The following GAB1 variants were observed in gnomAD, a reference collection of about 807,000 sequenced individuals.
The protein encoded by GAB1 is GRB2 associated binding protein 1.
A neutral mutation model predicts 66.5 loss-of-function variants in GAB1; 19 were observed. The ratio of observed to expected loss-of-function variants is 0.29; its 90% CI spans 0.20 to 0.42. The LOEUF (loss-of-function observed/expected upper bound fraction) is 0.42, where lower values mean the gene tolerates loss of function less well. GAB1 is among the 10% of genes least tolerant of loss of function. The probability of loss-of-function intolerance (pLI) is 1.00; values close to 1 mark genes in which losing one functional copy is unlikely to be tolerated. For synonymous variants in GAB1, 294 were observed against 301.4 expected, an observed-to-expected ratio of 0.98 and a Z score of 0.25; for missense variants, 732 against 858.5, an observed-to-expected ratio of 0.85 and a Z score of 1.84.
In GAB1 at chr4:143,373,886, T is replaced by TATATATATATATATATATATATATA. The variant is rs1560726035; in HGVS notation, c.72+36626_72+36627insATATATATATATATATATATATATA. Among the ~76,000 whole-genome samples, 103 of 128,186 alleles carry TATATATATATATATATATATATATA rather than the reference T, an allele frequency of 8.0e-4. 9 individuals are homozygous for TATATATATATATATATATATATATA. Among genetic ancestry groups the TATATATATATATATATATATATATA allele is most frequent in the Non-Finnish European group, 1.2e-3 (75 of 62,966 alleles). The allele number at this position is 128,186 out of a possible 152,430, so 84.1% of individuals were successfully genotyped here. ...ATAAATAAATATATATATATATATATTTTTACCTTTCTAACATTGCAGGGA... is the reference window on the plus strand; with the variant it reads ...ATAAATAAATATATATATATATATATATATATATATATATATATATATATATTTTACCTTTCTAACATTGCAGGGA... On this transcript the variant is annotated intron_variant, in intron 1 of 9. Coordinates refer to ENST00000262994, the MANE Select transcript of GAB1 (RefSeq NM_002039.4).
chr4:143,382,191 T>C (rs1730685358), intron 1 of GAB1, among the ~76,000 whole-genome samples: 1 of 152,262 alleles, frequency 6.6e-6, no homozygotes, highest in Admixed American at 6.5e-5. Context: ...TTATGCACTT[T>C]CTTCATTGTT....
At chr4:143,424,887 G>A (rs1733243824) in intron 2 of GAB1, 1 of 486,218 alleles carries the variant, frequency 2.1e-6, no homozygotes, top group East Asian at 3.9e-5. Flanking sequence ...CCAGGGAGTT[G>A]GAGGTTGCAG....
chr4:143,390,162 G>C (rs1306519980), intron 1 of GAB1, among the ~76,000 whole-genome samples: 1 of 152,178 alleles, frequency 6.6e-6, no homozygotes, highest in Non-Finnish European at 1.5e-5. Flanking sequence ...TTTAGAAGTA[G>C]AGTAAAAAGT....
chr4:143,397,400 A>G (rs1731503677), intron 1 of GAB1, among the ~76,000 whole-genome samples: 1 of 152,220 alleles, frequency 6.6e-6, no homozygotes, highest in Non-Finnish European at 1.5e-5. Flanking sequence ...TCTTTTGAGT[A>G]GCCCATTTTG....
At position 143,415,688 on chromosome 4, in the gene GAB1, A is replaced by G. The variant is rs756862463; in HGVS notation, c.284A>G (p.Tyr95Cys). The G allele has an allele frequency of 1.2e-6, 2 of 1,613,934 alleles. No individual in the cohort carries two copies. The highest frequency in any genetic ancestry group is 2.7e-5 in the African/African-American group (2 of 74,944). Reference sequence around the variant, plus strand: ...ATCAACACTATTGACCGGATTTTCTACTTGGTAGCAGACAGCGAGGAGGAG... The same window carrying G: ...ATCAACACTATTGACCGGATTTTCTGCTTGGTAGCAGACAGCGAGGAGGAG... ...FDINTIDRIF[Y>C]LVADSEEEMN... is the part of the protein sequence containing the mutation. Residue 95 changes from tyrosine to cysteine, a missense_variant, in exon 2 of 10, where the codon TAC becomes TGC. Transcript: ENST00000262994.
intron 2 of GAB1, chr4:143,425,415 C>A: frequency 1.3e-6 from 1 of 759,238 alleles, no homozygotes; most frequent in Non-Finnish European, 2.4e-6. Context: ...CTTGTGGTTA[C>A]TGACCCCAGG....
intron 6 of GAB1, chr4:143,457,770 G>C: frequency 6.6e-7 from 1 of 1,523,918 alleles, no homozygotes; most frequent in Middle Eastern, 1.7e-4. Context: ...AGAAGAAAGG[G>C]TATGTACTTT....
In GAB1 at chr4:143,415,647, C is replaced by T; in HGVS notation, c.243C>T (p.Asn81=). The part of the protein sequence containing the change: ...GLTFNKKEFE[N]SYIFDINTID... ...CATTTAACAAAAAAGAGTTTGAAAA[C>T]AGCTACATTTTTGATATCAACACTA... The change falls in exon 2 of 10, where the codon AAC becomes AAT. Residue 81 remains asparagine (N), a synonymous_variant. Coordinates refer to ENST00000262994, the MANE Select transcript of GAB1 (RefSeq NM_002039.4). 6.2e-7 allele frequency: 1 copy of T among 1,613,998 alleles called. No individual in the cohort carries two copies. The highest frequency in any genetic ancestry group is 8.5e-7 in the Non-Finnish European group (1 of 1,179,910).
At chr4:143,436,733 TAAG>T (rs1188808333) in intron 3 of GAB1, among the ~76,000 whole-genome samples, 1 of 152,132 alleles carries the variant, frequency 6.6e-6, no homozygotes, top group Non-Finnish European at 1.5e-5. Context: ...GCAGTCAACT[TAAG>T]AAGTAAATGG....
Position 143,383,386 on chromosome 4 carries a change from A to G in GAB1, c.73-32091A>G, listed in dbSNP as rs577247506. Among the ~76,000 whole-genome samples, 3 of 152,336 alleles carry G rather than the reference A, an allele frequency of 2.0e-5. No homozygotes were observed. In the South Asian group the frequency reaches 6.2e-4, roughly 32 times the overall value. ...CATTCTTTGTCCTCTTATAGAACCCAATGAAAGGAGGAAGCTGTGCCTTAA... is the reference window on the plus strand; with the variant it reads ...CATTCTTTGTCCTCTTATAGAACCCGATGAAAGGAGGAAGCTGTGCCTTAA... On this transcript the variant is annotated intron_variant, in intron 1 of 9. Transcript: ENST00000262994.
chr4:143,409,393 C>A (rs575803886), intron 1 of GAB1, among the ~76,000 whole-genome samples: 9 of 149,836 alleles, frequency 6.0e-5, no homozygotes, highest in East Asian at 2.0e-4. Context: ...CTTTCCCCCC[C>A]CCCGCTCTGA....
intron 1 of GAB1, among the ~76,000 whole-genome samples, chr4:143,363,760 GTT>G (rs1159034180): frequency 8.5e-5 from 13 of 152,174 alleles, no homozygotes; most frequent in Admixed American, 3.3e-4. Context: ...TGAATTTTTA[GTT>G]TCTTGTTTTT....
chr4:143,470,493 G>A lies in GAB1; in HGVS notation c.*1304G>A, dbSNP rs983874411. On this transcript the variant is annotated 3_prime_UTR_variant, in exon 10 of 10. Transcript: ENST00000262994. Reference sequence around the variant, plus strand: ...ACCAGATTTCTGAAAACACCAGAGGGATGGTATAATTCTGTCTCACCTATA... The same window carrying A: ...ACCAGATTTCTGAAAACACCAGAGGAATGGTATAATTCTGTCTCACCTATA... 17 of 152,130 alleles carry A rather than the reference G, an allele frequency of 1.1e-4. No homozygotes were observed. Among genetic ancestry groups the A allele is most frequent in the African/African-American group, 3.4e-4 (14 of 41,430 alleles). 9.4% of individuals were successfully genotyped at this position (152,130 alleles called of 1,614,324 possible).
At chr4:143,451,899 T>TAA (rs11316624) in intron 6 of GAB1, among the ~76,000 whole-genome samples, 2 of 148,910 alleles carry the variant, frequency 1.3e-5, no homozygotes, top group Admixed American at 6.7e-5. Context: ...AGTGCTCATT[T>TAA]AAAAAAAAAA....
At chr4:143,363,108 G>T (rs570138654) in intron 1 of GAB1, among the ~76,000 whole-genome samples, 1 of 152,174 alleles carries the variant, frequency 6.6e-6, no homozygotes, top group Admixed American at 6.5e-5. Context: ...ATTCAAACCC[G>T]CATGTATCTG....
chr4:143,362,925 G>A (rs1350151226), intron 1 of GAB1, among the ~76,000 whole-genome samples: 1 of 152,100 alleles, frequency 6.6e-6, no homozygotes, highest in African/African-American at 2.4e-5. Context: ...CTGACACATA[G>A]GCATAATACT....
At chr4:143,362,795 C>T (rs548673224) in intron 1 of GAB1, among the ~76,000 whole-genome samples, 2 of 152,080 alleles carry the variant, frequency 1.3e-5, no homozygotes, top group Non-Finnish European at 2.9e-5. Flanking sequence ...TATCTTGTGC[C>T]CACCTCCTAT....
At position 143,469,052 on chromosome 4, in the gene GAB1, A is replaced by G. The variant is rs1412042729; in HGVS notation, c.1948A>G (p.Ser650Gly). The change falls in exon 10 of 10, where the codon AGC becomes GGC. Residue 650 changes from serine (S) to glycine (G), a missense_variant. Physicochemically the swap from Ser to Gly is moderately conservative, Grantham distance 56 (BLOSUM62 0). Coordinates refer to ENST00000262994, the MANE Select transcript of GAB1 (RefSeq NM_002039.4). ...PRKQKSSGSGSSVADERVDYV... is the reference protein window; with the variant it reads ...PRKQKSSGSGGSVADERVDYV... The stretch of plus-strand genomic sequence containing the variant: ...TTAGCAAAAGAGCAGTGGCTCAGGC[A>G]GCAGTGTAGCAGATGAGAGAGTGGA... 6.2e-7 allele frequency: 1 copy of G among 1,614,114 alleles called. No homozygotes were observed. Among genetic ancestry groups the G allele is most frequent in the East Asian group, 2.2e-5 (1 of 44,892 alleles).
rs200883265 is a variant in GAB1, at chr4:143,440,397, G to A, written c.1585+15G>A. 4 of 1,584,234 alleles carry A rather than the reference G, an allele frequency of 2.5e-6. No homozygotes were observed. The East Asian group carries it at 6.7e-5, about 27-fold the overall frequency. On this transcript the variant is annotated intron_variant, in intron 6 of 9. Coordinates refer to ENST00000262994, the MANE Select transcript of GAB1 (RefSeq NM_002039.4). Reference sequence around the variant, plus strand: ...AGACAGAAAAGGTAAGGAGAGCATGGCAAAGTAAAAGGCTTGGGGAGTGCC... The same window carrying A: ...AGACAGAAAAGGTAAGGAGAGCATGACAAAGTAAAAGGCTTGGGGAGTGCC...
Sources: allele counts gnomAD v4.1 joint callset (sites outside exome capture counted in the v4.1 genomes callset), GRCh38; gene constraint gnomAD v4.1.1; transcripts MANE v1.5; gene names NCBI Gene and HGNC (gene_info 2026-07-23, HGNC 2026-07-21).